Variants in SLC8A1 observed in about 807,000 individuals in gnomAD.
SLC8A1 encodes the protein solute carrier family 8 member A1, also known as sodium/calcium exchanger 1.
SLC8A1 carries 18 observed loss-of-function variants against 68.3 expected under a neutral mutation model. The ratio of observed to expected loss-of-function variants is 0.26; its 90% CI spans 0.18 to 0.39. The LOEUF is 0.39. Ranked by LOEUF, SLC8A1 falls within the 10% of genes least tolerant of loss-of-function variation. The pLI, the probability that SLC8A1 is intolerant of heterozygous loss-of-function variation, is 1.00. For missense variants in SLC8A1, 985 were observed against 1,156.7 expected, an observed-to-expected ratio of 0.85 and a Z score of 2.15; for synonymous variants, 475 against 415.5, an observed-to-expected ratio of 1.14 and a Z score of -1.74.
chr2:40,257,504 G>C (rs1378683314), intron 2 of SLC8A1, among the ~76,000 whole-genome samples: 1 of 151,678 alleles, frequency 6.6e-6, no homozygotes, highest in African/African-American at 2.4e-5. Flanking sequence ...TGAGGTCCCA[G>C]AGAAAGGAAA....
chr2:40,337,272 C>A, intron 2 of SLC8A1: 1 of 314,378 alleles, frequency 3.2e-6, no homozygotes, highest in Non-Finnish European at 7.1e-6. Context: ...GTAGTATTTT[C>A]TTAGGTATAA....
At chr2:40,277,707 T>C (rs1025678801) in intron 2 of SLC8A1, among the ~76,000 whole-genome samples, 1 of 150,018 alleles carries the variant, frequency 6.7e-6, no homozygotes, top group Non-Finnish European at 1.5e-5. Flanking sequence ...ATAATACTTA[T>C]CATTTGACTA....
intron 7 of SLC8A1, among the ~76,000 whole-genome samples, chr2:40,136,738 T>A (rs1203963678): frequency 6.6e-6 from 1 of 152,194 alleles, no homozygotes; most frequent in African/African-American, 2.4e-5. Flanking sequence ...TCAGGATATA[T>A]AATAAAACAT....
chr2:40,279,234 G>C (rs1204442966), intron 2 of SLC8A1, among the ~76,000 whole-genome samples: 1 of 152,180 alleles, frequency 6.6e-6, no homozygotes, highest in Non-Finnish European at 1.5e-5. Context: ...ACTTTAGACA[G>C]CTTTGCCTTC....
At position 40,150,623 on chromosome 2, in the gene SLC8A1, A is replaced by T. The variant is rs182682077; in HGVS notation, c.2161+10142T>A. Reference sequence around the variant, plus strand: ...CTGCCACCCCAGACAAAACTGCGTTAGAGACACGACTTCGGGCATACAAAT... The same window carrying T: ...CTGCCACCCCAGACAAAACTGCGTTTGAGACACGACTTCGGGCATACAAAT... On this transcript the variant is annotated intron_variant, in intron 6 of 7. Coordinates refer to ENST00000406785, the Ensembl canonical transcript of SLC8A1. Among the ~76,000 whole-genome samples, 993 of 152,306 alleles carry T rather than the reference A, an allele frequency of 6.5e-3. 3 individuals carry two copies. Among genetic ancestry groups the T allele is most frequent in the Non-Finnish European group, 7.9e-3 (540 of 68,034 alleles).
At chr2:40,322,412 C>T (rs2075305976) in intron 2 of SLC8A1, among the ~76,000 whole-genome samples, 2 of 149,420 alleles carry the variant, frequency 1.3e-5, no homozygotes, top group South Asian at 2.1e-4. Context: ...AATCCCAGTG[C>T]TTTGGGAGGC....
intron 2 of SLC8A1, among the ~76,000 whole-genome samples, chr2:40,317,139 T>C (rs1046000704): frequency 4.6e-5 from 7 of 152,058 alleles, no homozygotes; most frequent in African/African-American, 1.7e-4. Context: ...ATAGTTCGGC[T>C]TCTTTGAAGG....
chr2:40,218,630 G>C (rs575705871), intron 2 of SLC8A1, among the ~76,000 whole-genome samples: 6 of 151,696 alleles, frequency 4.0e-5, no homozygotes, highest in African/African-American at 1.5e-4. Flanking sequence ...AAAAAAGGAG[G>C]CATATAGACC....
rs58228483 is a variant in SLC8A1, at chr2:40,432,425, A to ATGTGTGTGTG, written c.-24-2122_-24-2121insCACACACACA. ...ATTGTGTGTGTGTGTGTGTGTGTGT[A>ATGTGTGTGTG]TGTGTCAGTGTGTATACACGTGGGA... On this transcript the variant is annotated intron_variant, in intron 1 of 7. Coordinates refer to ENST00000406785, the Ensembl canonical transcript of SLC8A1. Among the ~76,000 whole-genome samples the ATGTGTGTGTG allele has an allele frequency of 1.5e-3, 201 of 138,034 alleles. 1 individual carries two copies. The highest frequency in any genetic ancestry group is 2.3e-3 in the Non-Finnish European group (149 of 64,832). 90.6% of individuals were successfully genotyped at this position (138,034 alleles called of 152,430 possible). A position where few individuals can be genotyped will look rare whatever the true frequency, so the allele number is the denominator to read the frequency against.
chr2:40,391,368 T>A (rs1685213383), intron 2 of SLC8A1, among the ~76,000 whole-genome samples: 1 of 151,986 alleles, frequency 6.6e-6, no homozygotes, highest in Admixed American at 6.6e-5. Context: ...ATAAGTGTCC[T>A]TTTAAAAGAA....
At chr2:40,311,170 G>C (rs1322951250) in intron 2 of SLC8A1, among the ~76,000 whole-genome samples, 1 of 152,006 alleles carries the variant, frequency 6.6e-6, no homozygotes, top group East Asian at 1.9e-4. Context: ...TCAGTCAATG[G>C]GAATTAGAAC....
At position 40,151,922 on chromosome 2, in the gene SLC8A1, C is replaced by A; in HGVS notation, c.2161+8843G>T. On this transcript the variant is annotated intron_variant, in intron 6 of 7. Coordinates refer to ENST00000406785, the Ensembl canonical transcript of SLC8A1. ...CAGATAAGTTAAACTCCAATGAGGGCAGTTTTAAAAGAGGCTCTGATAAGA... is the reference window on the plus strand; with the variant it reads ...CAGATAAGTTAAACTCCAATGAGGGAAGTTTTAAAAGAGGCTCTGATAAGA... Among the ~76,000 whole-genome samples, 6 of 152,248 alleles carry A rather than the reference C, an allele frequency of 3.9e-5. No homozygotes were observed. The East Asian group carries it at 1.2e-3, about 29-fold the overall frequency.
chr2:40,210,794 G>C (rs2056439381), intron 2 of SLC8A1, among the ~76,000 whole-genome samples: 1 of 152,116 alleles, frequency 6.6e-6, no homozygotes, highest in Admixed American at 6.5e-5. Context: ...CTTCTCATCA[G>C]CTCTCTCTTT....
chr2:40,403,520 A>C (rs1689389674), intron 2 of SLC8A1, among the ~76,000 whole-genome samples: 1 of 152,162 alleles, frequency 6.6e-6, no homozygotes, highest in Admixed American at 6.5e-5. Context: ...ATTTGCCCAC[A>C]CTTTCCCTGC....
chr2:40,242,391 G>T (rs1018261974), intron 2 of SLC8A1, among the ~76,000 whole-genome samples: 5 of 152,142 alleles, frequency 3.3e-5, no homozygotes, highest in African/African-American at 1.2e-4. Flanking sequence ...ATCGCTTTGT[G>T]TAATTTGTAA....
intron 2 of SLC8A1, among the ~76,000 whole-genome samples, chr2:40,291,486 C>T (rs1401725343): frequency 1.3e-5 from 2 of 152,056 alleles, no homozygotes; most frequent in African/African-American, 4.8e-5. Context: ...CCCAGGGCGC[C>T]AACAGCATGA....
At chr2:40,199,437 A>G (rs961601482) in intron 2 of SLC8A1, among the ~76,000 whole-genome samples, 8 of 151,530 alleles carry the variant, frequency 5.3e-5, no homozygotes, top group Non-Finnish European at 1.2e-4. Flanking sequence ...AGGACCATAA[A>G]TATTGTTTGT....
At chr2:40,152,557 A>G (rs1408976765) in intron 6 of SLC8A1, among the ~76,000 whole-genome samples, 2 of 149,192 alleles carry the variant, frequency 1.3e-5, no homozygotes, top group South Asian at 2.1e-4. Flanking sequence ...GGTGTGCACC[A>G]CTACGCCTAG....
intron 1 of SLC8A1, among the ~76,000 whole-genome samples, chr2:40,479,132 T>C (rs950510660): frequency 6.6e-6 from 1 of 152,212 alleles, no homozygotes; most frequent in Non-Finnish European, 1.5e-5. Flanking sequence ...ACACCATTAA[T>C]TCAGAATGTA....
Sources: gnomAD v4.1 joint callset for allele counts (sites outside exome capture counted in the v4.1 genomes callset) on GRCh38, gnomAD v4.1.1 for gene constraint, MANE v1.5 for transcripts, NCBI Gene and HGNC (gene_info 2026-07-23, HGNC 2026-07-21) for gene names.